The following SVIL variants were observed in gnomAD, a reference collection of about 807,000 sequenced individuals.
SVIL encodes the protein supervillin, also known as archvillin.
Under a neutral mutation model 240.4 loss-of-function variants are expected in SVIL, and 101 were observed. The ratio of observed to expected loss-of-function variants is 0.42; its 90% CI spans 0.36 to 0.50. The LOEUF is 0.50. SVIL is among the 20% of genes least tolerant of loss of function. The pLI is 0.01. For synonymous variants in SVIL, 999 were observed against 1,100.0 expected (o/e 0.91, Z 1.82); for missense variants, 2,512 against 2,818.7 (o/e 0.89, Z 2.46).
chr10:29,703,169 C>G (rs1962646803), intron 1 of SVIL, among the ~76,000 whole-genome samples: 1 of 152,178 alleles, frequency 6.6e-6, no homozygotes, highest in Non-Finnish European at 1.5e-5. Context: ...AACCTTGAAA[C>G]AGATGCAGGA....
chr10:29,461,858 T>C (rs1944298663), intron 36 of SVIL, among the ~76,000 whole-genome samples: 2 of 152,182 alleles, frequency 1.3e-5, no homozygotes, highest in African/African-American at 4.8e-5. Flanking sequence ...ACATACTAAT[T>C]CATCAGATTT....
At chr10:29,458,729 G>C (rs1468573171) in intron 36 of SVIL, 140 bp from the exon 37 acceptor site, 17 of 858,782 alleles carry the variant, frequency 2.0e-5, no homozygotes, top group Admixed American at 6.5e-5. Flanking sequence ...AGGAGGAAAT[G>C]GCTCTGAAAG....
At position 29,674,936 on chromosome 10, in the gene SVIL, C is replaced by T. The variant is rs952079785; in HGVS notation, c.-301+11617G>A. ...CTCTCCTGACTTCCTTCTTCACTTC[C>T]GAGGACCTTTGCGATTACAAAAGTC... On this transcript the variant is annotated intron_variant, in intron 2 of 35. Coordinates refer to the SVIL transcript ENST00000375400. 3.3e-5 allele frequency among the ~76,000 whole-genome samples: 5 copies of T among 152,320 alleles called. 1 individual carries two copies. The highest frequency in any genetic ancestry group is 3.4e-3 in the Middle Eastern group (1 of 294).
At chr10:29,725,862 C>T (rs1449012878) in intron 1 of SVIL, among the ~76,000 whole-genome samples, 4 of 152,196 alleles carry the variant, frequency 2.6e-5, no homozygotes, top group African/African-American at 9.7e-5. Flanking sequence ...CCCCATGGTA[C>T]ATCCTTTATA....
At chr10:29,720,870 C>T (rs373336249) in intron 1 of SVIL, among the ~76,000 whole-genome samples, 9 of 152,264 alleles carry the variant, frequency 5.9e-5, no homozygotes, top group Middle Eastern at 3.4e-3. Context: ...TTTTTTGAGA[C>T]ACAGTCTTGC....
At chr10:29,498,113 A>G (rs1401652855) in intron 18 of SVIL, among the ~76,000 whole-genome samples, 2 of 149,402 alleles carry the variant, frequency 1.3e-5, no homozygotes, top group Non-Finnish European at 3.0e-5. Context: ...AAAAAAAAAA[A>G]AAAAGAAAAA....
chr10:29,572,777 A>AG (rs1564659695), intron 1 of SVIL, among the ~76,000 whole-genome samples: 3 of 149,660 alleles, frequency 2.0e-5, no homozygotes, highest in African/African-American at 7.3e-5. Flanking sequence ...AAAAAAAAAA[A>AG]AAAAGAAAAA....
At position 29,524,009 on chromosome 10, in the gene SVIL, T is replaced by C. The variant is rs763558039; in HGVS notation, c.2605A>G (p.Ile869Val). The C allele has an allele frequency of 6.2e-7, 1 of 1,611,752 alleles. No individual in the cohort carries two copies. The highest frequency in any genetic ancestry group is 1.1e-5 in the South Asian group (1 of 90,748). The change falls in exon 15 of 38, where the codon ATT (isoleucine) becomes GTT (valine). Residue 869 changes from isoleucine to valine, a missense_variant. Physicochemically the swap from Ile to Val is conservative, Grantham distance 29 (BLOSUM62 3). Transcript: ENST00000355867. ...GTGTTCACGGCAGGTGAGAAAGGAA[T>C]GAGCTTTCCACTCTGCACCTGGAAG... Reference protein sequence around the residue: ...EVEQVQSGKLIPFSPAVNTSV... With the variant: ...EVEQVQSGKLVPFSPAVNTSV...
intron 34 of SVIL, 81 bp from the exon 35 acceptor site, chr10:29,463,716 A>T: frequency 1.9e-6 from 3 of 1,547,208 alleles, no homozygotes; most frequent in Non-Finnish European, 2.6e-6. Context: ...AACCTAGTGG[A>T]TGTTGTCCCT....
intron 1 of SVIL, among the ~76,000 whole-genome samples, chr10:29,576,634 T>A (rs1361817549): frequency 3.2e-4 from 48 of 152,234 alleles, no homozygotes; most frequent in Admixed American, 3.1e-3. Flanking sequence ...TGCCTTGAAC[T>A]CCTGGGCTCA....
At chr10:29,624,539 A>G (rs1203935800) in intron 1 of SVIL, among the ~76,000 whole-genome samples, 1 of 152,242 alleles carries the variant, frequency 6.6e-6, no homozygotes, top group Non-Finnish European at 1.5e-5. Flanking sequence ...CTCAAAAACA[A>G]AACAAAACAA....
intron 1 of SVIL, among the ~76,000 whole-genome samples, chr10:29,626,831 T>C (rs960985925): frequency 6.6e-6 from 1 of 152,060 alleles, no homozygotes; most frequent in African/African-American, 2.4e-5. Context: ...AAGACCATCC[T>C]GGCTAATACG....
At chr10:29,537,553 GA>G (rs1024131866) in intron 6 of SVIL, among the ~76,000 whole-genome samples, 2 of 151,764 alleles carry the variant, frequency 1.3e-5, no homozygotes, top group Non-Finnish European at 2.9e-5. Context: ...AATGTAGAAA[GA>G]AAAAAAGGAA....
At chr10:29,688,044 C>T (rs370404010) in intron 1 of SVIL, among the ~76,000 whole-genome samples, 50 of 152,160 alleles carry the variant, frequency 3.3e-4, no homozygotes, top group African/African-American at 1.2e-3. Context: ...ACACTTTCCC[C>T]GGTAGAAGGG....
chr10:29,630,866 C>G (rs115286948), intron 1 of SVIL, among the ~76,000 whole-genome samples: 269 of 152,256 alleles, frequency 1.8e-3, no homozygotes, highest in African/African-American at 6.3e-3. Flanking sequence ...ACCCACAAGT[C>G]GTTACAATTC....
chr10:29,539,954 C>A (rs1703701099), intron 6 of SVIL, among the ~76,000 whole-genome samples: 3 of 152,142 alleles, frequency 2.0e-5, no homozygotes, highest in African/African-American at 7.2e-5. Flanking sequence ...TCAGCAAGTT[C>A]TCTTGGGTAC....
intron 17 of SVIL, among the ~76,000 whole-genome samples, chr10:29,505,187 G>A (rs1393072514): frequency 1.3e-5 from 2 of 152,132 alleles, no homozygotes; most frequent in Non-Finnish European, 2.9e-5. Flanking sequence ...TACCTGGGGT[G>A]TGGTGGCGGG....
At chr10:29,573,799 G>T in intron 1 of SVIL, among the ~76,000 whole-genome samples, 1 of 151,834 alleles carries the variant, frequency 6.6e-6, no homozygotes, top group East Asian at 1.9e-4. Context: ...GGGTTCAAGC[G>T]ATTCTCCTGC....
chr10:29,531,970 T>C, intron 9 of SVIL, 32 bp downstream of exon 9: 1 of 1,611,016 alleles, frequency 6.2e-7, no homozygotes, highest in Non-Finnish European at 8.5e-7. Context: ...GCCACGTTCC[T>C]GGATGAGGAA....
Sources: gnomAD v4.1 joint callset for allele counts (sites outside exome capture counted in the v4.1 genomes callset) on GRCh38, gnomAD v4.1.1 for gene constraint, MANE v1.5 for transcripts, NCBI Gene and HGNC (gene_info 2026-07-23, HGNC 2026-07-21) for gene names.